FLT1: variants seen among roughly 807,000 people sequenced by gnomAD.
FLT1 encodes fms related receptor tyrosine kinase 1, also known as vascular endothelial growth factor receptor 1.
FLT1 carries 49 observed loss-of-function variants against 156.3 expected under a neutral mutation model. That is an observed-to-expected ratio of 0.31 (90% confidence interval 0.25 to 0.40). The LOEUF (loss-of-function observed/expected upper bound fraction) is 0.40, where lower values mean the gene tolerates loss of function less well. Ranked by LOEUF, FLT1 falls within the 10% of genes least tolerant of loss-of-function variation. The pLI is 1.00. For synonymous variants in FLT1, 594 were observed against 583.8 expected, an observed-to-expected ratio of 1.02 and a Z score of -0.25; for missense variants, 1,322 against 1,637.2, an observed-to-expected ratio of 0.81 and a Z score of 3.32.
At chr13:28,347,472 G>C (rs1872607010) in intron 15 of FLT1, among the ~76,000 whole-genome samples, 2 of 151,956 alleles carry the variant, frequency 1.3e-5, no homozygotes, top group Non-Finnish European at 2.9e-5. Context: ...AGTGAGCTGA[G>C]ATCGCACCAC....
chr13:28,345,723 G>A (rs1872539903), intron 15 of FLT1, 172 bp from the exon 16 acceptor site: 2 of 628,858 alleles, frequency 3.2e-6, no homozygotes, highest in Non-Finnish European at 5.7e-6. Context: ...AAGCCAGGCA[G>A]TATACATGAA....
At chr13:28,372,514 T>A (rs1324850276) in intron 14 of FLT1, among the ~76,000 whole-genome samples, 1 of 148,220 alleles carries the variant, frequency 6.7e-6, no homozygotes, top group Non-Finnish European at 1.5e-5. Context: ...TATAGCTTAC[T>A]CTATTTCTGT....
At chr13:28,309,219 T>A (rs1419302891) in intron 27 of FLT1, among the ~76,000 whole-genome samples, 1 of 152,206 alleles carries the variant, frequency 6.6e-6, no homozygotes, top group Admixed American at 6.5e-5. Flanking sequence ...ACTGGAGGCA[T>A]CATCTCGTCT....
At chr13:28,430,582 A>G (rs941552379) in intron 7 of FLT1, among the ~76,000 whole-genome samples, 1 of 152,206 alleles carries the variant, frequency 6.6e-6, no homozygotes, top group Non-Finnish European at 1.5e-5. Context: ...AATAAAGGCT[A>G]CTGATAGAAT....
intron 10 of FLT1, among the ~76,000 whole-genome samples, chr13:28,415,491 A>G (rs1472441494): frequency 6.6e-6 from 1 of 152,122 alleles, no homozygotes; most frequent in Non-Finnish European, 1.5e-5. Context: ...TAATAATAAT[A>G]ATAATAATAA....
At chr13:28,370,215 C>T (rs1873494988) in intron 14 of FLT1, among the ~76,000 whole-genome samples, 1 of 151,792 alleles carries the variant, frequency 6.6e-6, no homozygotes, top group Non-Finnish European at 1.5e-5. Flanking sequence ...GTATAATATT[C>T]TTCTCACTGT....
intron 1 of FLT1, among the ~76,000 whole-genome samples, chr13:28,492,126 T>C (rs1881506446): frequency 6.6e-6 from 1 of 152,164 alleles, no homozygotes; most frequent in African/African-American, 2.4e-5. Context: ...ACAAAAATTG[T>C]TACAAAAAAT....
rs1164825119 is a variant in FLT1, at chr13:28,301,742, T to G, written c.*1425A>C. On this transcript the variant is annotated 3_prime_UTR_variant, in exon 30 of 30. Coordinates refer to ENST00000282397, the MANE Select transcript of FLT1 (RefSeq NM_002019.4). Reference sequence around the variant, plus strand: ...CACTTGATCTTTAGACCCTGAAGAGTAGGCGCCCTTTCCTACCCTGTCTCC... The same window carrying G: ...CACTTGATCTTTAGACCCTGAAGAGGAGGCGCCCTTTCCTACCCTGTCTCC... 1 of 233,062 alleles carries G rather than the reference T, an allele frequency of 4.3e-6. No homozygotes were observed. The highest frequency in any genetic ancestry group is 8.5e-6 in the Non-Finnish European group (1 of 117,816). 14.4% of individuals were successfully genotyped at this position (233,062 alleles called of 1,614,324 possible). A position where few individuals can be genotyped will look rare whatever the true frequency, so the allele number is the denominator to read the frequency against.
chr13:28,396,299 T>C (rs532386639), intron 12 of FLT1, among the ~76,000 whole-genome samples: 1 of 152,268 alleles, frequency 6.6e-6, no homozygotes, highest in African/African-American at 2.4e-5. Context: ...TCCTCAGAAA[T>C]TGGGGGAGTG....
At position 28,489,110 on chromosome 13, in the gene FLT1, T is replaced by C. The variant is rs536540377; in HGVS notation, c.64+5670A>G. Among the ~76,000 whole-genome samples the C allele has an allele frequency of 3.9e-5, 6 of 152,252 alleles. No homozygotes were observed. The East Asian group carries it at 9.7e-4, about 25-fold the overall frequency. On this transcript the variant is annotated intron_variant, in intron 1 of 29. Coordinates refer to ENST00000282397, the MANE Select transcript of FLT1 (RefSeq NM_002019.4). ...CACAGGAGGGGAGGACATGAGACAG[T>C]TTCTCAAAGAGTTGAAAATCATAGC...
rs2047811199 is a variant in FLT1 at position 28,438,363 on chromosome 13, G to T, written c.389-18C>A. 1 of 1,594,020 alleles carries T rather than the reference G, an allele frequency of 6.3e-7. No individual in the cohort carries two copies. The highest frequency in any genetic ancestry group is 1.1e-5 in the South Asian group (1 of 90,530). ...ACCTGTATCTGAATGAGAAGAAAAT[G>T]AAAAAAATATATACATAAATGATTG... is the stretch of plus-strand genomic sequence containing the variant. On this transcript the variant is annotated intron_variant, in intron 3 of 29. Transcript: ENST00000282397.
chr13:28,351,817 C>T (rs1872741974), intron 15 of FLT1, among the ~76,000 whole-genome samples: 1 of 152,152 alleles, frequency 6.6e-6, no homozygotes, highest in Admixed American at 6.5e-5. Context: ...TGGTTAAGTC[C>T]AGGAAAAGTA....
chr13:28,308,978 T>G, intron 27 of FLT1, 51 bp from the exon 28 acceptor site: 2 of 1,099,812 alleles, frequency 1.8e-6, no homozygotes, highest in Non-Finnish European at 2.8e-6. Flanking sequence ...CATCCAGCTC[T>G]AATGAGTCAG....
chr13:28,369,473 C>T lies in FLT1; in HGVS notation c.2117-11788G>A, dbSNP rs1004439941. Among the ~76,000 whole-genome samples the T allele has an allele frequency of 1.3e-3, 199 of 152,180 alleles. 4 individuals are homozygous for T. The highest frequency in any genetic ancestry group is 4.0e-4 in the Non-Finnish European group (27 of 68,008). The stretch of plus-strand genomic sequence containing the variant: ...CCAGGAGATGGAGGTCGCAGTGAGC[C>T]AAGATCATGCCACTGTACTCCAGCA... On this transcript the variant is annotated intron_variant, in intron 14 of 29. Coordinates refer to ENST00000282397, the MANE Select transcript of FLT1 (RefSeq NM_002019.4).
chr13:28,474,092 A>G (rs1233363799), intron 1 of FLT1, among the ~76,000 whole-genome samples: 1 of 152,108 alleles, frequency 6.6e-6, no homozygotes, highest in African/African-American at 2.4e-5. Flanking sequence ...CAGCACCTTG[A>G]TCTCCTTGAT....
intron 14 of FLT1, among the ~76,000 whole-genome samples, chr13:28,380,096 T>C (rs554272738): frequency 1.3e-5 from 2 of 152,306 alleles, no homozygotes; most frequent in East Asian, 1.9e-4. Flanking sequence ...ACCTCAAGTA[T>C]CTAAAGGACA....
At chr13:28,400,959 C>T (rs1209851996) in intron 11 of FLT1, among the ~76,000 whole-genome samples, 1 of 152,178 alleles carries the variant, frequency 6.6e-6, no homozygotes, top group Non-Finnish European at 1.5e-5. Context: ...GATGCGGCGG[C>T]TCAGGCCTGT....
chr13:28,354,459 G>C (rs1275966363), intron 15 of FLT1, among the ~76,000 whole-genome samples: 1 of 152,142 alleles, frequency 6.6e-6, no homozygotes, highest in East Asian at 1.9e-4. Context: ...TCTTCTGTCA[G>C]AAAGCTCCTA....
intron 15 of FLT1, 165 bp from the exon 16 acceptor site, chr13:28,345,716 C>G: frequency 3.1e-6 from 2 of 652,420 alleles, no homozygotes; most frequent in South Asian, 1.7e-5. Context: ...ACCTTCTAAG[C>G]CAGGCAGTAT....
Sources: allele counts gnomAD v4.1 joint callset (sites outside exome capture counted in the v4.1 genomes callset), GRCh38; gene constraint gnomAD v4.1.1; transcripts MANE v1.5; gene names NCBI Gene and HGNC (gene_info 2026-07-23, HGNC 2026-07-21).